Variants in FRA10AC1 observed in about 807,000 individuals in gnomAD.
FRA10AC1 encodes the protein protein FRA10AC1.
Under a neutral mutation model 56.5 loss-of-function variants are expected in FRA10AC1, and 43 were observed. That is an observed-to-expected ratio of 0.76 (90% CI 0.60 to 0.98). The LOEUF (loss-of-function observed/expected upper bound fraction) is 0.98, where lower values mean the gene tolerates loss of function less well. Among genes scored for constraint, FRA10AC1 ranks in the 50% least tolerant of loss-of-function variants. The pLI is 0.00. For synonymous variants in FRA10AC1, 112 were observed against 110.5 expected (o/e 1.01, Z -0.09); for missense variants, 346 against 351.8 (o/e 0.98, Z 0.13).
intron 11 of FRA10AC1, among the ~76,000 whole-genome samples, chr10:93,679,813 G>A (rs891544075): frequency 1.3e-5 from 2 of 152,298 alleles, no homozygotes; most frequent in East Asian, 3.9e-4. Flanking sequence ...TAGCCTATAA[G>A]AGAAAATATA....
In FRA10AC1 at chr10:93,694,922, TTG is replaced by T; in HGVS notation, c.233_234del (p.Thr78LysfsTer5). 1.3e-5 allele frequency: 20 copies of T among 1,539,944 alleles called. No homozygotes were observed. The highest frequency in any genetic ancestry group is 1.8e-5 in the Non-Finnish European group (20 of 1,112,208). ...TATAAAATATAGTCATTTACGAACT[TTG>T]TATGTCTTTGATACTGAAATGCAAA... is the stretch of plus-strand genomic sequence containing the variant. ...LIAMDAYQRH[T>X]KFVNDYILYY... On this transcript the variant is annotated frameshift_variant, in exon 5 of 14. Coordinates refer to ENST00000359204, the MANE Select transcript of FRA10AC1 (RefSeq NM_145246.5). LOFTEE classifies it high-confidence loss of function.
chr10:93,680,011 T>C (rs1050016570), intron 11 of FRA10AC1, among the ~76,000 whole-genome samples: 3 of 152,102 alleles, frequency 2.0e-5, no homozygotes, highest in African/African-American at 4.8e-5. Context: ...AAGGGAAAAA[T>C]GTCTATAAGG....
At chr10:93,675,508 C>G in intron 12 of FRA10AC1, 1 of 159,300 alleles carries the variant, frequency 6.3e-6, no homozygotes, top group Non-Finnish European at 1.4e-5. Flanking sequence ...AGTTCAAGAC[C>G]AGCCTGGCCA....
intron 12 of FRA10AC1, chr10:93,672,211 T>G (rs1346060064): frequency 3.4e-6 from 1 of 295,716 alleles, no homozygotes; most frequent in East Asian, 1.0e-4. Flanking sequence ...TGTTGGACTC[T>G]GATCCCTGAA....
chr10:93,677,040 T>C (rs954256901), intron 11 of FRA10AC1, among the ~76,000 whole-genome samples: 3 of 152,310 alleles, frequency 2.0e-5, no homozygotes, highest in South Asian at 2.1e-4. Context: ...TGTTCAACAT[T>C]TGAAAGCAGT....
chr10:93,692,493 C>A, intron 6 of FRA10AC1, 153 bp downstream of exon 6: 1 of 557,458 alleles, frequency 1.8e-6, no homozygotes, highest in Non-Finnish European at 3.1e-6. Flanking sequence ...CCAAAAATTA[C>A]CAAAAGAACC....
At chr10:93,679,822 T>C (rs549341152) in intron 11 of FRA10AC1, among the ~76,000 whole-genome samples, 13 of 152,282 alleles carry the variant, frequency 8.5e-5, no homozygotes, top group African/African-American at 2.4e-4. Context: ...AGAGAAAATA[T>C]AGTGGTTTGT....
At chr10:93,673,665 A>C (rs1420491870) in intron 12 of FRA10AC1, 5 of 366,054 alleles carry the variant, frequency 1.4e-5, no homozygotes, top group East Asian at 7.3e-5. Flanking sequence ...CTAGAGAACA[A>C]ACACAGGATT....
Position 93,668,198 on chromosome 10 carries a change from T to C in FRA10AC1, c.*1628A>G, listed in dbSNP as rs1429825868. 6.6e-6 allele frequency: 1 copy of C among 152,230 alleles called. No individual in the cohort carries two copies. The highest frequency in any genetic ancestry group is 6.5e-5 in the Admixed American group (1 of 15,274). 9.4% of individuals were successfully genotyped at this position (152,230 alleles called of 1,614,324 possible). On this transcript the variant is annotated 3_prime_UTR_variant, in exon 14 of 14. Coordinates refer to ENST00000359204, the MANE Select transcript of FRA10AC1 (RefSeq NM_145246.5). ...TTCCGTGTTTAAATGTTATTTAAAA[T>C]AGTATATCTTCAATAAAATACTTGC...
At chr10:93,693,099 T>C (rs952892806) in intron 5 of FRA10AC1, among the ~76,000 whole-genome samples, 30 of 151,758 alleles carry the variant, frequency 2.0e-4, no homozygotes, top group Non-Finnish European at 2.5e-4. Flanking sequence ...TTAAAAAATA[T>C]GAAAAGTTTT....
At position 93,694,832 on chromosome 10, in the gene FRA10AC1, C is replaced by A. The variant is rs985598716; in HGVS notation, c.296+29G>T. ...TTTAAAGTTTCCCATAACCCACATT[C>A]CCTTCTATGTAAACTTCCTGATACT... On this transcript the variant is annotated intron_variant, in intron 5 of 13. Transcript: ENST00000359204. 3.0e-6 allele frequency: 4 copies of A among 1,330,154 alleles called. No individual in the cohort carries two copies. The East Asian group carries it at 7.0e-5, about 23-fold the overall frequency. The allele number at this position is 1,330,154 out of a possible 1,614,324, so 82.4% of individuals were successfully genotyped here. A position where few individuals can be genotyped will look rare whatever the true frequency, so the allele number is the denominator to read the frequency against.
chr10:93,685,472 C>A, intron 8 of FRA10AC1, 113 bp from the exon 9 acceptor site: 1 of 577,086 alleles, frequency 1.7e-6, no homozygotes. Flanking sequence ...CCATAGTCAG[C>A]CTTTAAAAAC....
chr10:93,692,759 CA>C, intron 5 of FRA10AC1, 30 bp from the exon 6 acceptor site: 2 of 1,464,250 alleles, frequency 1.4e-6, no homozygotes, highest in South Asian at 2.6e-5. Context: ...CAATTTAATA[CA>C]AAAACAAAAG....
intron 8 of FRA10AC1, among the ~76,000 whole-genome samples, chr10:93,686,417 A>G (rs2059028782): frequency 6.6e-6 from 1 of 151,754 alleles, no homozygotes. Context: ...CTACCCATCA[A>G]TTTTTTTAAA....
chr10:93,691,894 C>A lies in FRA10AC1; in HGVS notation c.465+115G>T, dbSNP rs1030757301. The A allele has an allele frequency of 3.7e-5, 42 of 1,140,676 alleles. No homozygotes were observed. In the Admixed American group the frequency reaches 9.3e-4, roughly 25 times the overall value. The allele number at this position is 1,140,676 out of a possible 1,614,324, so 70.7% of individuals were successfully genotyped here. On this transcript the variant is annotated intron_variant, in intron 7 of 13. Coordinates refer to ENST00000359204, the MANE Select transcript of FRA10AC1 (RefSeq NM_145246.5). The stretch of plus-strand genomic sequence containing the variant: ...CAAATGACACATCATAAACGCAGGA[C>A]AACTGAGTCTAGAATTAGCATCTTT...
chr10:93,692,948 A>T, intron 5 of FRA10AC1, among the ~76,000 whole-genome samples: 1 of 152,144 alleles, frequency 6.6e-6, no homozygotes, highest in Non-Finnish European at 1.5e-5. Context: ...TGGATAAGGA[A>T]TCTGTCTGTA....
At chr10:93,685,587 G>T in intron 8 of FRA10AC1, 26 of 290,642 alleles carry the variant, frequency 8.9e-5, no homozygotes, top group East Asian at 2.0e-4. Context: ...ACTGTATTTA[G>T]ATAGACATTT....
intron 11 of FRA10AC1, among the ~76,000 whole-genome samples, chr10:93,680,868 C>T (rs895580936): frequency 2.6e-5 from 4 of 152,080 alleles, no homozygotes; most frequent in Admixed American, 1.3e-4. Context: ...TGAGTCTTAG[C>T]GAGCTTAAGG....
At chr10:93,670,341 T>C (rs968923856) in intron 13 of FRA10AC1, among the ~76,000 whole-genome samples, 3 of 152,178 alleles carry the variant, frequency 2.0e-5, no homozygotes, top group African/African-American at 7.2e-5. Flanking sequence ...ACACTGAGCA[T>C]AGTAAATATA....
Sources: allele counts gnomAD v4.1 joint callset (sites outside exome capture counted in the v4.1 genomes callset), GRCh38; gene constraint gnomAD v4.1.1; transcripts MANE v1.5; gene names NCBI Gene and HGNC (gene_info 2026-07-23, HGNC 2026-07-21).